The following PHC3 variants were observed in gnomAD, a reference collection of about 807,000 sequenced individuals.
The protein encoded by PHC3 is polyhomeotic homolog 3.
PHC3 carries 13 observed loss-of-function variants against 107.4 expected under a neutral mutation model. The observed-to-expected ratio is 0.12, with a 90% CI of 0.08 to 0.19. The LOEUF is 0.19. Ranked by LOEUF, PHC3 falls within the 10% of genes least tolerant of loss-of-function variation. The pLI is 1.00. For missense variants in PHC3, 992 were observed against 1,210.9 expected, an observed-to-expected ratio of 0.82 and a Z score of 2.68; for synonymous variants, 456 against 427.4, an observed-to-expected ratio of 1.07 and a Z score of -0.83.
At chr3:170,126,601 G>C (rs1208335791) in intron 8 of PHC3, among the ~76,000 whole-genome samples, 2 of 147,804 alleles carry the variant, frequency 1.4e-5, no homozygotes, top group Non-Finnish European at 3.0e-5. Context: ...GAGTGCAGTG[G>C]TACGATCTCA....
chr3:170,148,953 C>T (rs1725452706), intron 5 of PHC3, 133 bp downstream of exon 5: 1 of 802,694 alleles, frequency 1.2e-6, no homozygotes, highest in Non-Finnish European at 1.9e-6. Flanking sequence ...GAGCTGAAGG[C>T]ACGCCCGCAT....
Position 170,172,601 on chromosome 3 carries a change from G to C in PHC3, c.292C>G (p.Gln98Glu), listed in dbSNP as rs767506657. The change falls in exon 3 of 15, where the codon CAG becomes GAG. Residue 98 changes from glutamine to glutamate, a missense_variant. This residue lies in a region of PHC3 where 161 missense variants were observed against 183.7 expected (regional missense o/e 0.88). Transcript: ENST00000495893. ...TGAAGCTGGGAGCTGCTTAAATGCT[G>C]CTGCTGAAGAGCTGCAGTATGCAGC... Reference protein sequence around the residue: ...LMLHTAALQQQHLSSSQLQSL... With the variant: ...LMLHTAALQQEHLSSSQLQSL... 1.2e-6 allele frequency: 2 copies of C among 1,613,648 alleles called. No individual in the cohort carries two copies. Among genetic ancestry groups the C allele is most frequent in the South Asian group, 2.2e-5 (2 of 91,050 alleles).
chr3:170,133,327 C>T (rs558035491), intron 7 of PHC3, among the ~76,000 whole-genome samples: 10 of 151,962 alleles, frequency 6.6e-5, no homozygotes, highest in East Asian at 5.8e-4. Flanking sequence ...TACAAGAGCG[C>T]GCCACCATGC....
chr3:170,167,981 C>T (rs913255200), intron 4 of PHC3, among the ~76,000 whole-genome samples: 2 of 151,830 alleles, frequency 1.3e-5, no homozygotes, highest in African/African-American at 4.8e-5. Context: ...GGGAACACAG[C>T]GAGACCTCAA....
Position 170,117,352 on chromosome 3 carries a change from G to C in PHC3, c.2067C>G (p.Asn689Lys). 2 of 1,613,896 alleles carry C rather than the reference G, an allele frequency of 1.2e-6. No homozygotes were observed. The highest frequency in any genetic ancestry group is 1.7e-6 in the Non-Finnish European group (2 of 1,179,856). The change falls in exon 10 of 15, where the codon AAC becomes AAG. Residue 689 changes from asparagine (N) to lysine (K), a missense_variant. This residue lies in a region of PHC3 where 543 missense variants were observed against 590.8 expected (regional missense o/e 0.92). Transcript: ENST00000495893. ...GAATGCTACTGTGCATAGATGTACTGTTACTCCTTGTGGTGGCAGCTGGAA... is the reference window on the plus strand; with the variant it reads ...GAATGCTACTGTGCATAGATGTACTCTTACTCCTTGTGGTGGCAGCTGGAA... ...LLLPAATTRS[N>K]STSMHSSIPS...
chr3:170,172,419 C>A (rs1560132727), intron 3 of PHC3, 138 bp downstream of exon 3: 9 of 879,990 alleles, frequency 1.0e-5, no homozygotes, highest in Non-Finnish European at 1.5e-5. Context: ...TATTCGGCAA[C>A]CTATTAATAT....
intron 4 of PHC3, among the ~76,000 whole-genome samples, chr3:170,163,461 AGTGTGTGTGTGT>A (rs56986650): frequency 1.3e-3 from 183 of 146,318 alleles, no homozygotes; most frequent in Middle Eastern, 6.8e-3. Context: ...TTTAGTAAAG[AGTGTGTGTGTGT>A]GTGTGTGTGT....
chr3:170,181,627 T>A, intron 1 of PHC3, 75 bp downstream of exon 1: 3 of 1,607,768 alleles, frequency 1.9e-6, no homozygotes, highest in Non-Finnish European at 2.6e-6. Context: ...GCCCTGAGCT[T>A]TCCCCTGGGG....
At chr3:170,179,845 G>A (rs959490631) in intron 1 of PHC3, among the ~76,000 whole-genome samples, 1 of 152,146 alleles carries the variant, frequency 6.6e-6, no homozygotes, top group African/African-American at 2.4e-5. Flanking sequence ...AGTAGTTTTT[G>A]TCGGGCCAGA....
At chr3:170,169,096 G>C (rs984776220) in intron 4 of PHC3, among the ~76,000 whole-genome samples, 1 of 151,924 alleles carries the variant, frequency 6.6e-6, no homozygotes, top group Non-Finnish European at 1.5e-5. Context: ...AGAGCATTTC[G>C]GGTTTTCATA....
rs1174492788 is a variant in PHC3, at chr3:170,092,672, A to C, written c.*4558T>G. ...TCTACAGAGGTGATTCAACTGTGAT[A>C]TCTGAAAATGGAAACTCTGTAATTC... On this transcript the variant is annotated 3_prime_UTR_variant, in exon 15 of 15. Coordinates refer to ENST00000495893, the MANE Select transcript of PHC3 (RefSeq NM_024947.4). 6.6e-6 allele frequency: 1 copy of C among 152,242 alleles called. No homozygotes were observed. Among genetic ancestry groups the C allele is most frequent in the Non-Finnish European group, 1.5e-5 (1 of 68,038 alleles). 9.4% of individuals were successfully genotyped at this position (152,242 alleles called of 1,614,324 possible).
rs368855313 is a variant in PHC3, at chr3:170,094,958, C to T, written c.*2272G>A. ...GATACCTTAAAGGCCATAGGTAATA[C>T]AGTTATAGGATGTAATCATTATTGC... On this transcript the variant is annotated 3_prime_UTR_variant, in exon 15 of 15. Coordinates refer to ENST00000495893, the MANE Select transcript of PHC3 (RefSeq NM_024947.4). 1 of 152,116 alleles carries T rather than the reference C, an allele frequency of 6.6e-6. No individual in the cohort carries two copies. The highest frequency in any genetic ancestry group is 1.5e-5 in the Non-Finnish European group (1 of 67,998). 9.4% of individuals were successfully genotyped at this position (152,116 alleles called of 1,614,324 possible). A position where few individuals can be genotyped will look rare whatever the true frequency, so the allele number is the denominator to read the frequency against.
Position 170,122,581 on chromosome 3 carries a change from A to AT in PHC3, c.1942+9dup. 1 of 1,613,514 alleles carries AT rather than the reference A, an allele frequency of 6.2e-7. No individual in the cohort carries two copies. On this transcript the variant is annotated intron_variant, in intron 9 of 14. Coordinates refer to ENST00000495893, the MANE Select transcript of PHC3 (RefSeq NM_024947.4). The stretch of plus-strand genomic sequence containing the variant: ...TAGAAAAATTCCCACAAATTTTGGT[A>AT]TTTTCTCACCTAACAAAGGATGTTC...
intron 6 of PHC3, among the ~76,000 whole-genome samples, chr3:170,142,452 G>A (rs556102442): frequency 6.7e-5 from 10 of 149,832 alleles, no homozygotes; most frequent in East Asian, 3.9e-4. Context: ...TCCTATCCCC[G>A]ACTTTTGCAA....
At chr3:170,119,068 AAAAG>A (rs1306000166) in intron 9 of PHC3, among the ~76,000 whole-genome samples, 2 of 151,760 alleles carry the variant, frequency 1.3e-5, no homozygotes, top group Non-Finnish European at 2.9e-5. Context: ...AAAAGAAAAG[AAAAG>A]AAAATCAGCA....
intron 10 of PHC3, among the ~76,000 whole-genome samples, chr3:170,114,975 A>G (rs1331562852): frequency 6.6e-6 from 1 of 152,204 alleles, no homozygotes; most frequent in Admixed American, 6.5e-5. Flanking sequence ...ACTCACATTC[A>G]ATGCTAAGGG....
intron 7 of PHC3, among the ~76,000 whole-genome samples, chr3:170,130,764 T>A (rs1327257181): frequency 6.6e-6 from 1 of 152,180 alleles, no homozygotes; most frequent in Non-Finnish European, 1.5e-5. Context: ...TGCAAACTGG[T>A]GGCACATGTT....
At chr3:170,174,472 G>T (rs187984153) in intron 2 of PHC3, among the ~76,000 whole-genome samples, 2 of 152,098 alleles carry the variant, frequency 1.3e-5, no homozygotes, top group Admixed American at 1.3e-4. Flanking sequence ...TCTCCAAAAG[G>T]TTAAGTCAGA....
At chr3:170,117,184 A>G (rs1225932844) in intron 10 of PHC3, 42 bp downstream of exon 10, 1 of 1,610,802 alleles carries the variant, frequency 6.2e-7, no homozygotes, top group Admixed American at 1.7e-5. Flanking sequence ...AAATAATGTT[A>G]TATAAATTAC....
Sources: gnomAD v4.1 joint callset for allele counts (sites outside exome capture counted in the v4.1 genomes callset) on GRCh38, gnomAD v4.1.1 for gene constraint, gnomAD v4.1.1 regional missense constraint, MANE v1.5 for transcripts, NCBI Gene and HGNC (gene_info 2026-07-23, HGNC 2026-07-21) for gene names.